The following NEK1 variants were observed in gnomAD, a reference collection of about 807,000 sequenced individuals.
The protein encoded by NEK1 is NIMA related kinase 1.
A neutral mutation model predicts 182.1 loss-of-function variants in NEK1; 137 were observed. The ratio of observed to expected loss-of-function variants is 0.75; its 90% CI spans 0.65 to 0.87. The LOEUF (loss-of-function observed/expected upper bound fraction) is 0.87. NEK1 is among the 40% of genes least tolerant of loss of function. NEK1 has a pLI of 0.00. For synonymous variants in NEK1, 513 were observed against 492.2 expected (o/e 1.04, Z -0.56); for missense variants, 1,391 against 1,494.4 (o/e 0.93, Z 1.14).
intron 12 of NEK1, 124 bp downstream of exon 12, chr4:169,576,804 G>A: frequency 1.1e-6 from 1 of 930,368 alleles, no homozygotes; most frequent in East Asian, 2.7e-5. Flanking sequence ...AAACACAGAA[G>A]GAGGACATTC....
intron 23 of NEK1, among the ~76,000 whole-genome samples, chr4:169,504,590 A>G (rs1752923593): frequency 6.6e-6 from 1 of 152,142 alleles, no homozygotes; most frequent in African/African-American, 2.4e-5. Flanking sequence ...ACAATATGAA[A>G]GGAACTGGAG....
intron 23 of NEK1, among the ~76,000 whole-genome samples, chr4:169,485,109 A>C (rs1188004828): frequency 6.6e-6 from 1 of 152,230 alleles, no homozygotes; most frequent in East Asian, 1.9e-4. Flanking sequence ...TGTGAGAGAC[A>C]AATTTATTGG....
chr4:169,453,962 G>A (rs927818496), intron 27 of NEK1, among the ~76,000 whole-genome samples: 2 of 152,118 alleles, frequency 1.3e-5, no homozygotes, highest in African/African-American at 2.4e-5. Flanking sequence ...AAACAGCATG[G>A]TACTGGTACC....
intron 27 of NEK1, among the ~76,000 whole-genome samples, chr4:169,441,126 T>C (rs1053544443): frequency 6.6e-6 from 1 of 152,140 alleles, no homozygotes; most frequent in Admixed American, 6.5e-5. Flanking sequence ...TGCAGCACAT[T>C]AGGAAGGCTG....
At chr4:169,594,866 T>C (rs781773631) in intron 5 of NEK1, among the ~76,000 whole-genome samples, 61 of 152,330 alleles carry the variant, frequency 4.0e-4, no homozygotes, top group Admixed American at 2.0e-3. Context: ...GTCAGTAACT[T>C]TGCTCTCCAT....
intron 27 of NEK1, among the ~76,000 whole-genome samples, chr4:169,461,276 T>C (rs1474176581): frequency 6.6e-6 from 1 of 152,162 alleles, no homozygotes; most frequent in Non-Finnish European, 1.5e-5. Flanking sequence ...CTCCCCCTTA[T>C]CTACCTTATG....
intron 12 of NEK1, among the ~76,000 whole-genome samples, chr4:169,573,814 T>C (rs1202667813): frequency 6.6e-6 from 1 of 152,128 alleles, no homozygotes; most frequent in Non-Finnish European, 1.5e-5. Context: ...GGCATGGCCA[T>C]AGGTGAGAGT....
chr4:169,603,674 G>A (rs946958269), intron 2 of NEK1, among the ~76,000 whole-genome samples: 1 of 147,624 alleles, frequency 6.8e-6, no homozygotes, highest in African/African-American at 2.5e-5. Context: ...GCTTACCAGT[G>A]AATTTGAAAA....
At chr4:169,588,124 A>G (rs1327511392) in intron 8 of NEK1, among the ~76,000 whole-genome samples, 1 of 152,140 alleles carries the variant, frequency 6.6e-6, no homozygotes, top group Non-Finnish European at 1.5e-5. Context: ...TAGCCAGACT[A>G]CAGTGCTGTG....
intron 19 of NEK1, among the ~76,000 whole-genome samples, chr4:169,524,227 G>A (rs1756534355): frequency 6.6e-6 from 1 of 152,016 alleles, no homozygotes; most frequent in Non-Finnish European, 1.5e-5. Flanking sequence ...ATGTTGAATG[G>A]GCCGGGCACA....
At chr4:169,490,433 G>A (rs1179756166) in intron 23 of NEK1, among the ~76,000 whole-genome samples, 2 of 152,024 alleles carry the variant, frequency 1.3e-5, no homozygotes, top group Admixed American at 1.3e-4. Context: ...GAAAAAGCAG[G>A]AAAACATGAC....
chr4:169,586,468 C>T (rs1236159963), intron 9 of NEK1, among the ~76,000 whole-genome samples: 1 of 151,942 alleles, frequency 6.6e-6, no homozygotes, highest in African/African-American at 2.4e-5. Flanking sequence ...TTGACACGCT[C>T]TTCATAAAGG....
At chr4:169,447,981 T>C (rs1740901294) in intron 27 of NEK1, among the ~76,000 whole-genome samples, 1 of 151,982 alleles carries the variant, frequency 6.6e-6, no homozygotes, top group South Asian at 2.1e-4. Flanking sequence ...ACCCAGGAAT[T>C]TGAAACCAGC....
At chr4:169,498,344 T>G (rs954268896) in intron 23 of NEK1, among the ~76,000 whole-genome samples, 7 of 152,252 alleles carry the variant, frequency 4.6e-5, no homozygotes, top group African/African-American at 1.7e-4. Flanking sequence ...CTGACGGATC[T>G]TGACTCTTTA....
chr4:169,409,889 T>C (rs1431640087), intron 31 of NEK1, among the ~76,000 whole-genome samples: 2 of 152,202 alleles, frequency 1.3e-5, no homozygotes, highest in African/African-American at 4.8e-5. Flanking sequence ...TTTTCATATG[T>C]TTCTTGTTTA....
At chr4:169,525,083 A>G (rs1181394792) in intron 19 of NEK1, among the ~76,000 whole-genome samples, 2 of 152,148 alleles carry the variant, frequency 1.3e-5, no homozygotes, top group Non-Finnish European at 2.9e-5. Context: ...ATTTACACAC[A>G]TATTACACAT....
intron 35 of NEK1, 196 bp downstream of exon 35, chr4:169,400,020 TGGACTTAAA>T: frequency 1.7e-6 from 1 of 595,834 alleles, no homozygotes; most frequent in South Asian, 1.9e-5. Flanking sequence ...ATTAAAAATA[TGGACTTAAA>T]GGACTTAAGT....
chr4:169,500,772 A>G (rs573891421), intron 23 of NEK1, among the ~76,000 whole-genome samples: 1 of 152,368 alleles, frequency 6.6e-6, no homozygotes, highest in Admixed American at 6.5e-5. Context: ...AGTTCTAAAC[A>G]TGAAAATAAA....
At chr4:169,589,058 TG>T (rs1767996884) in intron 7 of NEK1, among the ~76,000 whole-genome samples, 1 of 152,216 alleles carries the variant, frequency 6.6e-6, no homozygotes, top group Admixed American at 6.5e-5. Flanking sequence ...GCTCCATTCA[TG>T]GTAAGTGTCC....
Sources: gnomAD v4.1 joint callset for allele counts (sites outside exome capture counted in the v4.1 genomes callset) on GRCh38, gnomAD v4.1.1 for gene constraint, MANE v1.5 for transcripts, NCBI Gene and HGNC (gene_info 2026-07-23, HGNC 2026-07-21) for gene names.